The following ONECUT1 variants were observed in gnomAD, a reference collection of about 807,000 sequenced individuals.
ONECUT1 encodes one cut homeobox 1.
A neutral mutation model predicts 25.6 loss-of-function variants in ONECUT1; 12 were observed. The observed-to-expected ratio is 0.47, with a 90% CI of 0.30 to 0.76. The LOEUF (loss-of-function observed/expected upper bound fraction) is 0.76, where lower values mean the gene tolerates loss of function less well. Ranked by LOEUF, ONECUT1 falls within the 30% of genes least tolerant of loss-of-function variation. ONECUT1 has a pLI of 0.07. For synonymous variants in ONECUT1, 285 were observed against 270.2 expected (o/e 1.05, Z -0.54); for missense variants, 620 against 651.2 (o/e 0.95, Z 0.52).
At position 52,790,038 on chromosome 15, in the gene ONECUT1, CGT is replaced by C. The variant is rs1168147996; in HGVS notation, c.-156_-155del. 3.0e-4 allele frequency: 337 copies of C among 1,108,418 alleles called. No individual in the cohort carries two copies. The highest frequency in any genetic ancestry group is 6.2e-4 in the South Asian group (26 of 41,824). The allele number at this position is 1,108,418 out of a possible 1,614,324, so 68.7% of individuals were successfully genotyped here. On this transcript the variant is annotated 5_prime_UTR_variant, in exon 1 of 2. Coordinates refer to ENST00000305901, the MANE Select transcript of ONECUT1 (RefSeq NM_004498.4). ...CTCTGTCTCTCTCTCTCTCTCTCTC[CGT>C]GTGTGTGTGTCCGTGTGTGCGTGTG...
At chr15:52,775,329 C>A (rs185644082) in intron 1 of ONECUT1, among the ~76,000 whole-genome samples, 1 of 152,218 alleles carries the variant, frequency 6.6e-6, no homozygotes, top group Non-Finnish European at 1.5e-5. Context: ...TTGCACTGGG[C>A]AGCATCTTCT....
chr15:52,774,122 T>C (rs1422209957), intron 1 of ONECUT1, among the ~76,000 whole-genome samples: 6 of 137,716 alleles, frequency 4.4e-5, no homozygotes, highest in African/African-American at 1.1e-4. Context: ...ATTGGAAGGA[T>C]ACACACACAC....
In ONECUT1 at chr15:52,790,174, T is replaced by C. The variant is rs544229347; in HGVS notation, c.-290A>G. 6.6e-6 allele frequency among the ~76,000 whole-genome samples: 1 copy of C among 150,982 alleles called. No homozygotes were observed. Among genetic ancestry groups the C allele is most frequent in the African/African-American group, 2.4e-5 (1 of 41,248 alleles). ...TAATTTCCAAAGAGGATCCGCGCCG[T>C]TGGGAGAGCGCAGTGCCCCAGCCCG... On this transcript the variant is annotated 5_prime_UTR_variant, in exon 1 of 2. Coordinates refer to ENST00000305901, the MANE Select transcript of ONECUT1 (RefSeq NM_004498.4).
intron 1 of ONECUT1, among the ~76,000 whole-genome samples, chr15:52,768,545 C>T (rs2083748375): frequency 6.6e-6 from 1 of 152,132 alleles, no homozygotes; most frequent in African/African-American, 2.4e-5. Flanking sequence ...ACAAAAAGCA[C>T]ATCTGATGAA....
intron 1 of ONECUT1, among the ~76,000 whole-genome samples, chr15:52,770,644 G>A (rs1262403554): frequency 6.6e-6 from 1 of 152,058 alleles, no homozygotes. Context: ...TATACCTACT[G>A]TCTCTGAGAG....
At chr15:52,762,909 T>C (rs1169023654) in intron 1 of ONECUT1, among the ~76,000 whole-genome samples, 4 of 151,788 alleles carry the variant, frequency 2.6e-5, no homozygotes, top group Admixed American at 2.0e-4. Context: ...AGAGTAGAGA[T>C]TACCCATTGT....
In ONECUT1 at chr15:52,777,697, A is replaced by AACACACAC. The variant is rs369734028; in HGVS notation, c.1105+11075_1105+11082dup. Among the ~76,000 whole-genome samples, 49 of 122,138 alleles carry AACACACAC rather than the reference A, an allele frequency of 4.0e-4. 1 individual carries two copies. Among genetic ancestry groups the AACACACAC allele is most frequent in the Middle Eastern group, 3.9e-3 (1 of 256 alleles). The allele number at this position is 122,138 out of a possible 152,430, so 80.1% of individuals were successfully genotyped here. A position where few individuals can be genotyped will look rare whatever the true frequency, so the allele number is the denominator to read the frequency against. ...CACCTTAAACTCCTCCTTCCTGGAA[A>AACACACAC]ACACACACACACACACACACACACA... On this transcript the variant is annotated intron_variant, in intron 1 of 1. Transcript: ENST00000305901.
intron 1 of ONECUT1, among the ~76,000 whole-genome samples, chr15:52,761,845 A>T (rs1167100954): frequency 1.3e-5 from 2 of 152,312 alleles, no homozygotes; most frequent in East Asian, 3.9e-4. Context: ...GGCCATTAGG[A>T]AATGCAGATG....
chr15:52,771,565 T>C (rs2083767789), intron 1 of ONECUT1, among the ~76,000 whole-genome samples: 1 of 151,456 alleles, frequency 6.6e-6, no homozygotes, highest in Non-Finnish European at 1.5e-5. Flanking sequence ...AGATGTTGTT[T>C]GCATTCTTAT....
intron 1 of ONECUT1, among the ~76,000 whole-genome samples, chr15:52,770,939 A>G (rs115081044): frequency 0.012 from 1,885 of 152,262 alleles, 33 homozygotes; most frequent in African/African-American, 0.044. Context: ...CTAATCCTCA[A>G]TGTTGACAAG....
Position 52,757,816 on chromosome 15 carries a change from C to T in ONECUT1, c.1137G>A (p.Lys379=). Residue 379 remains lysine, a synonymous_variant, in exon 2 of 2, where the codon AAG becomes AAA. Coordinates refer to ENST00000305901, the MANE Select transcript of ONECUT1 (RefSeq NM_004498.4). The part of the protein sequence containing the change: ...ACKRKEQEHG[K]DRGNTPKKPR... ...GCTTTTTGGGTGTGTTGCCTCTATC[C>T]TTCCCATGTTCTTGTTCTTTCCTTT... is the stretch of plus-strand genomic sequence containing the variant. 1 of 1,614,002 alleles carries T rather than the reference C, an allele frequency of 6.2e-7. No homozygotes were observed. The highest frequency in any genetic ancestry group is 8.5e-7 in the Non-Finnish European group (1 of 1,179,952).
chr15:52,761,478 C>T (rs191242119), intron 1 of ONECUT1, among the ~76,000 whole-genome samples: 1 of 152,154 alleles, frequency 6.6e-6, no homozygotes, highest in Non-Finnish European at 1.5e-5. Context: ...CGAGACCAAC[C>T]TGGCCAACAT....
chr15:52,758,054 C>A (rs2083684619), intron 1 of ONECUT1, among the ~76,000 whole-genome samples: 1 of 152,130 alleles, frequency 6.6e-6, no homozygotes, highest in Non-Finnish European at 1.5e-5. Context: ...GAGGCCTGGG[C>A]ATGGGTTGTG....
chr15:52,789,990 C>T lies in ONECUT1; in HGVS notation c.-106G>A, dbSNP rs954871263. ...TCACATCGGCTGCTGGCGACTGTTGCCTTCCTTCCTCTCACTGTGGGGCTC... is the reference window on the plus strand; with the variant it reads ...TCACATCGGCTGCTGGCGACTGTTGTCTTCCTTCCTCTCACTGTGGGGCTC... On this transcript the variant is annotated 5_prime_UTR_variant, in exon 1 of 2. Coordinates refer to ENST00000305901, the MANE Select transcript of ONECUT1 (RefSeq NM_004498.4). This position sits in a 1 kb window ranked among gnomAD's most constrained non-coding sequence, Gnocchi z 4.1. 1 of 1,405,388 alleles carries T rather than the reference C, an allele frequency of 7.1e-7. No individual in the cohort carries two copies. The highest frequency in any genetic ancestry group is 9.2e-7 in the Non-Finnish European group (1 of 1,085,772). 87.1% of individuals were successfully genotyped at this position (1,405,388 alleles called of 1,614,324 possible).
chr15:52,777,722 ACACACACAC>A (rs1596053570), intron 1 of ONECUT1, among the ~76,000 whole-genome samples: 1 of 116,028 alleles, frequency 8.6e-6, no homozygotes, highest in East Asian at 3.0e-4. Context: ...ACACACACAC[ACACACACAC>A]ACACACAAAA....
At chr15:52,777,726 ACACAC>A (rs2083810663) in intron 1 of ONECUT1, among the ~76,000 whole-genome samples, 2 of 119,914 alleles carry the variant, frequency 1.7e-5, no homozygotes, top group East Asian at 5.8e-4. Context: ...ACACACACAC[ACACAC>A]ACACACAAAA....
rs527530419 is a variant in ONECUT1 at position 52,790,271 on chromosome 15, C to T, written c.-387G>A. Among the ~76,000 whole-genome samples the T allele has an allele frequency of 1.6e-4, 24 of 151,454 alleles. No homozygotes were observed. The East Asian group carries it at 4.5e-3, about 28-fold the overall frequency. On this transcript the variant is annotated 5_prime_UTR_variant, in exon 1 of 2. Transcript: ENST00000305901. ...TCTCCGGCTCCCCTGCCGCGGCCCG[C>T]GCGCCTGCCGCGTCTGCTGCCTGCC... is the stretch of plus-strand genomic sequence containing the variant.
rs747995270 is a variant in ONECUT1, at chr15:52,757,009, G to C, written c.*546C>G. On this transcript the variant is annotated 3_prime_UTR_variant, in exon 2 of 2. Coordinates refer to ENST00000305901, the MANE Select transcript of ONECUT1 (RefSeq NM_004498.4). The stretch of plus-strand genomic sequence containing the variant: ...GGGTTTGAATCTGCATTTAGGTTGC[G>C]GGCCTGGCAGGTTCAAACGTTAGGC... The C allele has an allele frequency of 4.6e-5, 7 of 152,372 alleles. No individual in the cohort carries two copies. The East Asian group carries it at 1.3e-3, about 29-fold the overall frequency. 9.4% of individuals were successfully genotyped at this position (152,372 alleles called of 1,614,324 possible).
intron 1 of ONECUT1, chr15:52,780,552 C>T (rs1350911506): frequency 3.3e-6 from 5 of 1,521,384 alleles, no homozygotes; most frequent in African/African-American, 2.8e-5. Flanking sequence ...TCTTAATTAC[C>T]CCAAATGAAT....
Sources: allele counts gnomAD v4.1 joint callset (sites outside exome capture counted in the v4.1 genomes callset), GRCh38; gene constraint gnomAD v4.1.1; non-coding constraint Gnocchi (gnomAD v3.1); transcripts MANE v1.5; gene names NCBI Gene and HGNC (gene_info 2026-07-23, HGNC 2026-07-21).